Variants in ZDHHC3 observed in about 807,000 individuals in gnomAD.
ZDHHC3 encodes the protein zDHHC palmitoyltransferase 3, also known as palmitoyltransferase ZDHHC3.
In ZDHHC3, 9 loss-of-function variants were observed where a neutral mutation model predicts 30.6. That is an observed-to-expected ratio of 0.29 (90% CI 0.18 to 0.51). ZDHHC3 has a LOEUF of 0.51. Among genes scored for constraint, ZDHHC3 ranks in the 20% least tolerant of loss-of-function variants. The pLI is 0.97. For missense variants in ZDHHC3, 246 were observed against 384.2 expected, an observed-to-expected ratio of 0.64 and a Z score of 3.01; for synonymous variants, 136 against 140.2, an observed-to-expected ratio of 0.97 and a Z score of 0.21.
Position 44,956,248 on chromosome 3 carries a change from C to T in ZDHHC3, c.306+2883G>A, listed in dbSNP as rs567423529. Among the ~76,000 whole-genome samples, 19 of 152,286 alleles carry T rather than the reference C, an allele frequency of 1.2e-4. No homozygotes were observed. The South Asian group carries it at 3.9e-3, about 32-fold the overall frequency. ...CTGTTTTCACATGCCTTACAGAAAC[C>T]AATGACCTCCACACACACTCTCTCC... On this transcript the variant is annotated intron_variant, in intron 2 of 6. Coordinates refer to ENST00000424952, the MANE Select transcript of ZDHHC3 (RefSeq NM_001135179.2).
Position 44,926,842 on chromosome 3 carries a change from TA to T in ZDHHC3, c.746del (p.Ile249LysfsTer4). On this transcript the variant is annotated frameshift_variant, in exon 7 of 7. Transcript: ENST00000424952. LOFTEE classifies it high-confidence loss of function. ...TTCTCTCTTCCTTTTTCAATTGTTCTATTCCCTGAAAACAAGAACAATCATA... is the reference window on the plus strand; with the variant it reads ...TTCTCTCTTCCTTTTTCAATTGTTCTTTCCCTGAAAACAAGAACAATCATA... Reference protein sequence around the residue: ...VHSICTDETGIEQLKKEERRW... With the variant: ...VHSICTDETGXEQLKKEERRW... 1 of 1,604,376 alleles carries T rather than the reference TA, an allele frequency of 6.2e-7. No homozygotes were observed. Among genetic ancestry groups the T allele is most frequent in the Non-Finnish European group, 8.5e-7 (1 of 1,175,836 alleles).
intron 1 of ZDHHC3, among the ~76,000 whole-genome samples, chr3:44,963,926 G>A (rs1370645320): frequency 6.6e-6 from 1 of 152,194 alleles, no homozygotes; most frequent in Non-Finnish European, 1.5e-5. Flanking sequence ...GAGCTGTGCA[G>A]GGGGCTCACA....
In ZDHHC3 at chr3:44,919,064, G is replaced by A. The variant is rs1308435686; in HGVS notation, c.*7625C>T. On this transcript the variant is annotated 3_prime_UTR_variant, in exon 7 of 7. Transcript: ENST00000424952. ...TGTATCTAGCACTTTTTCTTCCCAC[G>A]CCATTTCAGAGATTTAAGATTCTTG... 3.0e-6 allele frequency: 3 copies of A among 985,124 alleles called. No homozygotes were observed. Among genetic ancestry groups the A allele is most frequent in the South Asian group, 4.7e-5 (1 of 21,282 alleles). 61.0% of individuals were successfully genotyped at this position (985,124 alleles called of 1,614,324 possible).
At chr3:44,946,089 T>C (rs1198934190) in intron 2 of ZDHHC3, among the ~76,000 whole-genome samples, 5 of 152,244 alleles carry the variant, frequency 3.3e-5, no homozygotes, top group Non-Finnish European at 7.3e-5. Context: ...AATTTGCAGC[T>C]CCACATTTTA....
Position 44,959,833 on chromosome 3 carries a change from T to C in ZDHHC3, c.-24-373A>G, listed in dbSNP as rs901876504. 2.0e-5 allele frequency among the ~76,000 whole-genome samples: 3 copies of C among 152,188 alleles called. No individual in the cohort carries two copies. On this transcript the variant is annotated intron_variant, in intron 1 of 6. Transcript: ENST00000424952. The surrounding 1 kb of genome is among the most constrained non-coding windows in gnomAD (Gnocchi z 4.3). Reference sequence around the variant, plus strand: ...GTGCAGTGGCACCGTCTTAGGTCAATGCAGCCTCGACCTCCCACCTCGGGC... The same window carrying C: ...GTGCAGTGGCACCGTCTTAGGTCAACGCAGCCTCGACCTCCCACCTCGGGC...
At chr3:44,945,018 T>C in intron 3 of ZDHHC3, 150 bp downstream of exon 3, 1 of 1,185,494 alleles carries the variant, frequency 8.4e-7, no homozygotes, top group Non-Finnish European at 1.2e-6. Context: ...CAGTGATCAC[T>C]CTCTGCCCAG....
chr3:44,975,101 A>G (rs1215327221), intron 1 of ZDHHC3: 1 of 151,662 alleles, frequency 6.6e-6, no homozygotes, highest in Admixed American at 6.6e-5. Flanking sequence ...GAACATCAGG[A>G]AAGTCATCAG....
chr3:44,924,372 C>T lies in ZDHHC3; in HGVS notation c.*2317G>A, dbSNP rs1464960139. ...GAACAAAAATGAAATAGGAAAAATG[C>T]CAGGAACCTTGGGGTATTCCTATCT... On this transcript the variant is annotated 3_prime_UTR_variant, in exon 7 of 7. Coordinates refer to ENST00000424952, the MANE Select transcript of ZDHHC3 (RefSeq NM_001135179.2). 1.0e-6 allele frequency: 1 copy of T among 985,274 alleles called. No homozygotes were observed. The highest frequency in any genetic ancestry group is 1.2e-6 in the Non-Finnish European group (1 of 829,934). 61.0% of individuals were successfully genotyped at this position (985,274 alleles called of 1,614,324 possible).
Position 44,922,748 on chromosome 3 carries a change from C to T in ZDHHC3, c.*3941G>A, listed in dbSNP as rs1040244544. Reference sequence around the variant, plus strand: ...GCTGGGCCCCGCTCGGTTTCTGGTTCGGTAGCCTGGGGTGGGGACCGAGAA... The same window carrying T: ...GCTGGGCCCCGCTCGGTTTCTGGTTTGGTAGCCTGGGGTGGGGACCGAGAA... On this transcript the variant is annotated 3_prime_UTR_variant, in exon 7 of 7. Transcript: ENST00000424952. 4.1e-6 allele frequency: 4 copies of T among 984,672 alleles called. No homozygotes were observed. Among genetic ancestry groups the T allele is most frequent in the Non-Finnish European group, 3.6e-6 (3 of 829,288 alleles). 61.0% of individuals were successfully genotyped at this position (984,672 alleles called of 1,614,324 possible).
chr3:44,931,910 C>T (rs568175533), intron 5 of ZDHHC3, among the ~76,000 whole-genome samples: 1 of 152,306 alleles, frequency 6.6e-6, no homozygotes, highest in South Asian at 2.1e-4. Context: ...AAACAATGCA[C>T]TGCTCAAAAA....
rs1700678861 is a variant in ZDHHC3, at chr3:44,922,639, C to T, written c.*4050G>A. On this transcript the variant is annotated 3_prime_UTR_variant, in exon 7 of 7. Coordinates refer to ENST00000424952, the MANE Select transcript of ZDHHC3 (RefSeq NM_001135179.2). ...TATCACCAGCAGGCATCAGGGACCA[C>T]CTGAGGGGGGACTCCTGCTAGCCCC... 1 of 985,122 alleles carries T rather than the reference C, an allele frequency of 1.0e-6. No homozygotes were observed. The highest frequency in any genetic ancestry group is 1.2e-6 in the Non-Finnish European group (1 of 829,914). The allele number at this position is 985,122 out of a possible 1,614,324, so 61.0% of individuals were successfully genotyped here.
chr3:44,960,533 C>T (rs1704383061), intron 1 of ZDHHC3, among the ~76,000 whole-genome samples: 1 of 152,260 alleles, frequency 6.6e-6, no homozygotes, highest in Non-Finnish European at 1.5e-5. Context: ...TATCTATCCA[C>T]AGCATGTGCT....
At chr3:44,931,421 G>A (rs1401498848) in intron 5 of ZDHHC3, among the ~76,000 whole-genome samples, 4 of 152,156 alleles carry the variant, frequency 2.6e-5, no homozygotes. Flanking sequence ...GTTTGGGGAG[G>A]TAGGAATCAG....
intron 1 of ZDHHC3, among the ~76,000 whole-genome samples, chr3:44,973,417 T>G (rs896656449): frequency 2.6e-4 from 40 of 152,362 alleles, no homozygotes; most frequent in African/African-American, 9.4e-4. Context: ...ATAAGAATAC[T>G]TGCATCACAG....
chr3:44,950,780 G>C (rs987232263), intron 2 of ZDHHC3, among the ~76,000 whole-genome samples: 1 of 152,110 alleles, frequency 6.6e-6, no homozygotes, highest in African/African-American at 2.4e-5. Flanking sequence ...TTTGTTATTA[G>C]TTCATGGTAA....
intron 3 of ZDHHC3, among the ~76,000 whole-genome samples, chr3:44,944,146 A>T (rs963713533): frequency 2.0e-5 from 3 of 151,532 alleles, no homozygotes; most frequent in Non-Finnish European, 4.4e-5. Context: ...CCAGCTAATT[A>T]AAAAAAAATT....
chr3:44,948,769 G>A (rs1365753223), intron 2 of ZDHHC3, among the ~76,000 whole-genome samples: 7 of 152,028 alleles, frequency 4.6e-5, no homozygotes, highest in Non-Finnish European at 8.8e-5. Flanking sequence ...ATCTCCTGTC[G>A]TCTGCTCTTC....
intron 2 of ZDHHC3, 163 bp from the exon 3 acceptor site, chr3:44,945,455 T>C: frequency 9.5e-7 from 1 of 1,051,768 alleles, no homozygotes; most frequent in Non-Finnish European, 1.3e-6. Flanking sequence ...TATGCCAACA[T>C]TAAGGAATAT....
At chr3:44,971,994 G>A (rs1705443635) in intron 1 of ZDHHC3, among the ~76,000 whole-genome samples, 1 of 152,124 alleles carries the variant, frequency 6.6e-6, no homozygotes, top group African/African-American at 2.4e-5. Context: ...TTAAGACAAG[G>A]TACAGGCGGG....
Sources: allele counts gnomAD v4.1 joint callset (sites outside exome capture counted in the v4.1 genomes callset), GRCh38; gene constraint gnomAD v4.1.1; non-coding constraint Gnocchi (gnomAD v3.1); transcripts MANE v1.5; gene names NCBI Gene and HGNC (gene_info 2026-07-23, HGNC 2026-07-21).